The following CCDC148 variants were observed in gnomAD, a reference collection of about 807,000 sequenced individuals.
The protein encoded by CCDC148 is coiled-coil domain containing 148, also known as coiled-coil domain-containing protein 148.
Under a neutral mutation model 85.7 loss-of-function variants are expected in CCDC148, and 89 were observed. The ratio of observed to expected loss-of-function variants is 1.04; its 90% CI spans 0.87 to 1.24. CCDC148 has a LOEUF of 1.24. Among genes scored for constraint, CCDC148 ranks in the 50% most tolerant of loss-of-function variants. CCDC148 has a pLI of 0.00. For missense variants in CCDC148, 692 were observed against 671.7 expected, an observed-to-expected ratio of 1.03 and a Z score of -0.33; for synonymous variants, 230 against 213.9, an observed-to-expected ratio of 1.08 and a Z score of -0.66.
At chr2:158,233,475 T>C (rs962973752) in intron 10 of CCDC148, among the ~76,000 whole-genome samples, 4 of 151,176 alleles carry the variant, frequency 2.6e-5, no homozygotes, top group Non-Finnish European at 5.9e-5. Context: ...CCTTATACTA[T>C]CATGTTTATT....
intron 1 of CCDC148, among the ~76,000 whole-genome samples, chr2:158,386,757 A>G (rs181881089): frequency 1.2e-3 from 181 of 152,134 alleles, no homozygotes; most frequent in Non-Finnish European, 2.0e-3. Flanking sequence ...CAAATTGCCC[A>G]TTTCTCCTTC....
intron 1 of CCDC148, among the ~76,000 whole-genome samples, chr2:158,366,906 T>C (rs1684230081): frequency 6.6e-6 from 1 of 152,202 alleles, no homozygotes; most frequent in Admixed American, 6.6e-5. Context: ...CCATGTCTAG[T>C]GGCCCTTTCA....
chr2:158,247,054 G>A (rs1688597333), intron 10 of CCDC148, among the ~76,000 whole-genome samples: 1 of 152,112 alleles, frequency 6.6e-6, no homozygotes, highest in Non-Finnish European at 1.5e-5. Flanking sequence ...TGGCAATATA[G>A]ATACTGCAGG....
chr2:158,300,531 G>A (rs1350114612), intron 9 of CCDC148, among the ~76,000 whole-genome samples: 1 of 152,198 alleles, frequency 6.6e-6, no homozygotes, highest in African/African-American at 2.4e-5. Flanking sequence ...AGACATTTGA[G>A]CTGAATTTTG....
At chr2:158,426,271 T>C (rs1004501953) in intron 1 of CCDC148, among the ~76,000 whole-genome samples, 2 of 152,054 alleles carry the variant, frequency 1.3e-5, no homozygotes, top group African/African-American at 2.4e-5. Context: ...GTTAGTGTTA[T>C]GTCACAGCCA....
At chr2:158,420,726 T>G (rs1019057789) in intron 1 of CCDC148, among the ~76,000 whole-genome samples, 3 of 152,038 alleles carry the variant, frequency 2.0e-5, no homozygotes, top group Non-Finnish European at 4.4e-5. Context: ...GGATCAAATT[T>G]GCACATAACA....
chr2:158,277,920 G>C (rs973064567), intron 9 of CCDC148, among the ~76,000 whole-genome samples: 1 of 152,066 alleles, frequency 6.6e-6, no homozygotes, highest in Admixed American at 6.6e-5. Context: ...AGAGGGGTTA[G>C]TAACATGTTC....
chr2:158,346,592 T>A (rs1683007122), intron 2 of CCDC148, among the ~76,000 whole-genome samples: 1 of 152,230 alleles, frequency 6.6e-6, no homozygotes, highest in African/African-American at 2.4e-5. Context: ...GTCTGTTCCC[T>A]GGTTAGACTC....
intron 11 of CCDC148, among the ~76,000 whole-genome samples, chr2:158,180,493 G>T (rs1031117934): frequency 2.6e-5 from 4 of 152,170 alleles, no homozygotes; most frequent in Admixed American, 6.5e-5. Flanking sequence ...TCACGGAGGA[G>T]GCAGTATCTG....
intron 9 of CCDC148, among the ~76,000 whole-genome samples, chr2:158,301,576 G>A (rs942075468): frequency 6.6e-6 from 1 of 152,228 alleles, no homozygotes; most frequent in Non-Finnish European, 1.5e-5. Flanking sequence ...GGCCAATGAA[G>A]TAAGGATATA....
At chr2:158,340,827 T>C (rs11899181) in intron 3 of CCDC148, 147 bp from the exon 4 acceptor site, 4 of 598,394 alleles carry the variant, frequency 6.7e-6, no homozygotes, top group Non-Finnish European at 8.8e-6. Context: ...GGCTTGAGTC[T>C]TTACTAGACA....
Sources: allele counts gnomAD v4.1 joint callset (sites outside exome capture counted in the v4.1 genomes callset), GRCh38; gene constraint gnomAD v4.1.1; transcripts MANE v1.5; gene names NCBI Gene and HGNC (gene_info 2026-07-23, HGNC 2026-07-21).